Variants in FLT1 observed in about 807,000 individuals in gnomAD.
FLT1 encodes the protein fms related receptor tyrosine kinase 1, also known as vascular endothelial growth factor receptor 1.
A neutral mutation model predicts 156.3 loss-of-function variants in FLT1; 49 were observed. That is an observed-to-expected ratio of 0.31 (90% confidence interval 0.25 to 0.40). The LOEUF (loss-of-function observed/expected upper bound fraction) is 0.40. Among genes scored for constraint, FLT1 ranks in the 10% least tolerant of loss-of-function variants. The probability of loss-of-function intolerance (pLI) is 1.00; values close to 1 mark genes in which losing one functional copy is unlikely to be tolerated. For missense variants in FLT1, 1,322 were observed against 1,637.2 expected (o/e 0.81, Z 3.32); for synonymous variants, 594 against 583.8 (o/e 1.02, Z -0.25).
intron 3 of FLT1, among the ~76,000 whole-genome samples, chr13:28,457,660 GCAAGCATTT>G (rs1389753678): frequency 5.3e-4 from 81 of 152,236 alleles, no homozygotes; most frequent in African/African-American, 1.9e-3. Context: ...TCCAAGCAAG[GCAAGCATTT>G]CATTATCATT....
chr13:28,440,173 A>C (rs1370715395), intron 3 of FLT1, among the ~76,000 whole-genome samples: 1 of 152,164 alleles, frequency 6.6e-6, no homozygotes, highest in Admixed American at 6.5e-5. Context: ...AACACGGTCC[A>C]CAGAACCAGC....
At chr13:28,335,840 C>A (rs1411060069) in intron 17 of FLT1, among the ~76,000 whole-genome samples, 1 of 152,104 alleles carries the variant, frequency 6.6e-6, no homozygotes, top group Non-Finnish European at 1.5e-5. Flanking sequence ...AGGATGGGGA[C>A]CCTCGATTTG....
chr13:28,488,813 C>T (rs968132813), intron 1 of FLT1, among the ~76,000 whole-genome samples: 1 of 152,136 alleles, frequency 6.6e-6, no homozygotes, highest in Admixed American at 6.5e-5. Context: ...TAACCAAGGC[C>T]CCTATTAAAA....
At chr13:28,329,949 T>G (rs61764363) in intron 18 of FLT1, among the ~76,000 whole-genome samples, 30 of 152,370 alleles carry the variant, frequency 2.0e-4, no homozygotes, top group African/African-American at 7.2e-4. Context: ...GTAGTGGGGT[T>G]AGTCACTGGA....
At chr13:28,461,136 C>CTT (rs201568374) in intron 3 of FLT1, among the ~76,000 whole-genome samples, 2 of 145,212 alleles carry the variant, frequency 1.4e-5, no homozygotes, top group Non-Finnish European at 1.5e-5. Flanking sequence ...CAGCTCCTAG[C>CTT]TTTTTTTTTT....
chr13:28,311,311 A>G (rs1322953510), intron 27 of FLT1, among the ~76,000 whole-genome samples: 1 of 152,236 alleles, frequency 6.6e-6, no homozygotes, highest in African/African-American at 2.4e-5. Flanking sequence ...AAGTGCTATT[A>G]TGCCTTAAGC....
chr13:28,403,364 C>G lies in FLT1; in HGVS notation c.1551+2416G>C, dbSNP rs537079732. ...TGTTTTAAACCTTCATGGAGAAAAT[C>G]TTGGGACGTTCTTTTATCATGGGCA... On this transcript the variant is annotated intron_variant, in intron 11 of 29. Coordinates refer to ENST00000282397, the MANE Select transcript of FLT1 (RefSeq NM_002019.4). Among the ~76,000 whole-genome samples the G allele has an allele frequency of 5.9e-5, 9 of 152,288 alleles. No individual in the cohort carries two copies. In the South Asian group the frequency reaches 1.9e-3, roughly 32 times the overall value.
intron 15 of FLT1, among the ~76,000 whole-genome samples, chr13:28,349,425 T>TAC (rs34182100): frequency 0.27 from 40,189 of 146,732 alleles, 5,343 homozygotes; most frequent in Middle Eastern, 0.33. Flanking sequence ...GGCCTTGCTG[T>TAC]ACACACACAC....
intron 12 of FLT1, among the ~76,000 whole-genome samples, chr13:28,395,794 T>A (rs1057290623): frequency 6.6e-6 from 1 of 152,214 alleles, no homozygotes; most frequent in African/African-American, 2.4e-5. Flanking sequence ...AAGACAGGAC[T>A]TCATTGATGT....
chr13:28,318,612 T>C (rs186946313), intron 24 of FLT1, among the ~76,000 whole-genome samples: 1 of 152,284 alleles, frequency 6.6e-6, no homozygotes, highest in East Asian at 1.9e-4. Flanking sequence ...GCCAAGCTGC[T>C]TTCAAAGACT....
At chr13:28,441,516 C>T (rs1354658536) in intron 3 of FLT1, among the ~76,000 whole-genome samples, 1 of 152,092 alleles carries the variant, frequency 6.6e-6, no homozygotes, top group East Asian at 1.9e-4. Flanking sequence ...TGCTGTAGAC[C>T]CATACAGATT....
chr13:28,442,982 G>C (rs1398783910), intron 3 of FLT1, among the ~76,000 whole-genome samples: 1 of 152,200 alleles, frequency 6.6e-6, no homozygotes, highest in African/African-American at 2.4e-5. Context: ...CAGCACTGCA[G>C]AGTGATTTCC....
In FLT1 at chr13:28,308,940, CAG is replaced by C; in HGVS notation, c.3636-15_3636-14del. On this transcript the variant is annotated splice_polypyrimidine_tract_variant and intron_variant, in intron 27 of 29. Coordinates refer to ENST00000282397, the MANE Select transcript of FLT1 (RefSeq NM_002019.4). ...AGCATTTACGTATCTAATGAAGAAA[CAG>C]AAAGAATTATCAAGACAGGAAAAGG... 1 of 1,520,326 alleles carries C rather than the reference CAG, an allele frequency of 6.6e-7. No individual in the cohort carries two copies. The highest frequency in any genetic ancestry group is 9.1e-7 in the Non-Finnish European group (1 of 1,094,116). 94.2% of individuals were successfully genotyped at this position (1,520,326 alleles called of 1,614,324 possible).
chr13:28,429,044 A>T, intron 8 of FLT1, among the ~76,000 whole-genome samples: 1 of 152,134 alleles, frequency 6.6e-6, no homozygotes, highest in East Asian at 1.9e-4. Context: ...GTGCCCTCAG[A>T]CACTGGAAGA....
intron 15 of FLT1, among the ~76,000 whole-genome samples, chr13:28,351,701 T>C (rs1180271315): frequency 6.6e-6 from 1 of 152,238 alleles, no homozygotes; most frequent in Non-Finnish European, 1.5e-5. Flanking sequence ...GATATTTAAA[T>C]TGCTGTTACG....
Position 28,313,199 on chromosome 13 carries a change from G to A in FLT1, c.3387-1101C>T, listed in dbSNP as rs147425438. Among the ~76,000 whole-genome samples, 832 of 152,098 alleles carry A rather than the reference G, an allele frequency of 5.5e-3. 3 individuals are homozygous for A. The highest frequency in any genetic ancestry group is 0.017 in the African/African-American group (718 of 41,438). On this transcript the variant is annotated intron_variant, in intron 25 of 29. Coordinates refer to ENST00000282397, the MANE Select transcript of FLT1 (RefSeq NM_002019.4). ...TTATCATGTTTTCCAGGCTGGTCTC[G>A]AACTCCTGGCCTCAATTGATTCACC...
intron 19 of FLT1, 108 bp from the exon 20 acceptor site, chr13:28,327,658 G>C: frequency 1.3e-6 from 1 of 746,850 alleles, no homozygotes; most frequent in South Asian, 1.4e-5. Flanking sequence ...CTTTGTATTA[G>C]TGGGGCGAAG....
intron 18 of FLT1, 44 bp from the exon 19 acceptor site, chr13:28,329,772 G>A (rs1315806176): frequency 5.3e-6 from 8 of 1,499,172 alleles, no homozygotes; most frequent in Non-Finnish European, 7.4e-6. Context: ...GGACAATGGG[G>A]CTCCTTCCGC....
chr13:28,356,150 T>C (rs769237071), intron 15 of FLT1, among the ~76,000 whole-genome samples: 3 of 152,172 alleles, frequency 2.0e-5, no homozygotes, highest in Non-Finnish European at 4.4e-5. Flanking sequence ...ATGACTAGAC[T>C]GTGTGAGTTG....
Sources: allele counts gnomAD v4.1 joint callset (sites outside exome capture counted in the v4.1 genomes callset), GRCh38; gene constraint gnomAD v4.1.1; transcripts MANE v1.5; gene names NCBI Gene and HGNC (gene_info 2026-07-23, HGNC 2026-07-21).